Variants in DYM observed in about 807,000 individuals in gnomAD.
The protein encoded by DYM is dymeclin.
DYM carries 78 observed loss-of-function variants against 93.1 expected under a neutral mutation model. That is an observed-to-expected ratio of 0.84 (90% CI 0.70 to 1.01). The LOEUF is 1.01. Ranked by LOEUF, DYM falls within the 50% of genes least tolerant of loss-of-function variation. The pLI, the probability that DYM is intolerant of heterozygous loss-of-function variation, is 0.00. For synonymous variants in DYM, 321 were observed against 319.7 expected (o/e 1.00, Z -0.04); for missense variants, 789 against 845.0 (o/e 0.93, Z 0.82).
intron 9 of DYM, among the ~76,000 whole-genome samples, chr18:49,286,145 C>T (rs1156574859): frequency 6.6e-6 from 1 of 152,010 alleles, no homozygotes; most frequent in African/African-American, 2.4e-5. Flanking sequence ...TTGGGTTTTC[C>T]AGGTTAATTC....
At chr18:49,414,112 G>C (rs539399415) in intron 2 of DYM, among the ~76,000 whole-genome samples, 5 of 152,194 alleles carry the variant, frequency 3.3e-5, no homozygotes, top group Admixed American at 3.3e-4. Flanking sequence ...AATACCCAGA[G>C]TAGTCAAATT....
chr18:49,214,465 C>G (rs2092936012), intron 13 of DYM, among the ~76,000 whole-genome samples: 1 of 151,780 alleles, frequency 6.6e-6, no homozygotes, highest in Non-Finnish European at 1.5e-5. Flanking sequence ...CGTGGAAAAA[C>G]TGACTTCCAC....
intron 8 of DYM, among the ~76,000 whole-genome samples, chr18:49,321,906 C>A (rs534105877): frequency 2.0e-5 from 3 of 152,066 alleles, no homozygotes; most frequent in Non-Finnish European, 4.4e-5. Flanking sequence ...ATTTTCACAA[C>A]TATGCCTGTT....
Position 49,274,743 on chromosome 18 carries a change from GT to G in DYM, c.1126-2441del, listed in dbSNP as rs1399234246. On this transcript the variant is annotated intron_variant, in intron 10 of 17. Transcript: ENST00000675505. ...ACCTGATGACTAATAATGTCAAGTT[GT>G]TTTTTTCATGGGTGTATTACTAGCT... Among the ~76,000 whole-genome samples, 11 of 152,016 alleles carry G rather than the reference GT, an allele frequency of 7.2e-5. No homozygotes were observed. In the East Asian group the frequency reaches 2.1e-3, roughly 29 times the overall value.
intron 14 of DYM, among the ~76,000 whole-genome samples, chr18:49,197,396 A>C (rs1456452042): frequency 6.6e-6 from 1 of 152,144 alleles, no homozygotes; most frequent in Non-Finnish European, 1.5e-5. Context: ...GCTGTCACAG[A>C]AGCCAAAAGA....
chr18:49,196,676 G>C (rs925909704), intron 14 of DYM, among the ~76,000 whole-genome samples: 2 of 152,170 alleles, frequency 1.3e-5, no homozygotes, highest in African/African-American at 4.8e-5. Context: ...TCCTGAGATA[G>C]AAAAGGGGTG....
chr18:49,290,672 A>G (rs988463985), intron 8 of DYM, among the ~76,000 whole-genome samples: 2 of 152,094 alleles, frequency 1.3e-5, no homozygotes, highest in Admixed American at 1.3e-4. Flanking sequence ...ATGTATATAT[A>G]TGCATGCTCC....
chr18:49,131,723 G>A (rs2083394769), intron 15 of DYM, among the ~76,000 whole-genome samples: 1 of 152,140 alleles, frequency 6.6e-6, no homozygotes, highest in Non-Finnish European at 1.5e-5. Context: ...CTTCTCATTT[G>A]TGAACCAAAT....
chr18:49,312,108 G>A (rs1462774857), intron 8 of DYM, among the ~76,000 whole-genome samples: 2 of 152,142 alleles, frequency 1.3e-5, no homozygotes, highest in South Asian at 4.2e-4. Context: ...TTGATGCACT[G>A]TGTGTGACTG....
At chr18:49,285,003 C>G (rs2095087847) in intron 9 of DYM, among the ~76,000 whole-genome samples, 1 of 152,122 alleles carries the variant, frequency 6.6e-6, no homozygotes, top group Non-Finnish European at 1.5e-5. Flanking sequence ...TAGCATTCAG[C>G]CCTTTTAGCC....
chr18:49,157,594 A>G lies in DYM; in HGVS notation c.1728+6091T>C, dbSNP rs563021003. Among the ~76,000 whole-genome samples the G allele has an allele frequency of 7.2e-5, 11 of 152,306 alleles. No individual in the cohort carries two copies. In the South Asian group the frequency reaches 8.3e-4, roughly 11 times the overall value. On this transcript the variant is annotated intron_variant, in intron 15 of 17. Transcript: ENST00000675505. ...AAGCCACAGAACCAGTTCACAAAAT[A>G]TAATATTTGCCCATTTTAAAATTCC...
At chr18:49,392,030 C>T (rs1460418300) in intron 2 of DYM, among the ~76,000 whole-genome samples, 1 of 151,920 alleles carries the variant, frequency 6.6e-6, no homozygotes, top group Non-Finnish European at 1.5e-5. Flanking sequence ...TTAGGAAATA[C>T]ATGGAGTGTC....
At chr18:49,067,370 T>C (rs1433874137) in intron 17 of DYM, among the ~76,000 whole-genome samples, 10 of 149,912 alleles carry the variant, frequency 6.7e-5, no homozygotes, top group South Asian at 2.1e-4. Context: ...GGTGATGTGT[T>C]ATGGAGGTTC....
intron 17 of DYM, among the ~76,000 whole-genome samples, chr18:49,077,099 C>T (rs941610169): frequency 2.6e-5 from 4 of 152,136 alleles, no homozygotes; most frequent in Non-Finnish European, 5.9e-5. Flanking sequence ...AATGACCAAA[C>T]TGACTGTTCC....
chr18:49,300,084 T>A (rs995048871), intron 8 of DYM, among the ~76,000 whole-genome samples: 9 of 138,792 alleles, frequency 6.5e-5, no homozygotes, highest in Admixed American at 2.3e-4. Context: ...TATATATATA[T>A]AAATATATAT....
At chr18:49,356,135 A>G (rs1254366251) in intron 6 of DYM, among the ~76,000 whole-genome samples, 2 of 152,216 alleles carry the variant, frequency 1.3e-5, no homozygotes, top group African/African-American at 4.8e-5. Context: ...GTAAGTTATA[A>G]GTCAGAAAAA....
At chr18:49,455,568 C>A (rs534743039) in intron 1 of DYM, among the ~76,000 whole-genome samples, 17 of 152,276 alleles carry the variant, frequency 1.1e-4, no homozygotes, top group African/African-American at 3.9e-4. Flanking sequence ...GGTTGAGTAA[C>A]ATGCCAAAGC....
chr18:49,128,380 T>C (rs1448882800), intron 15 of DYM, among the ~76,000 whole-genome samples: 1 of 152,246 alleles, frequency 6.6e-6, no homozygotes. Context: ...TCTTAGACTA[T>C]ATTGGTGTTT....
intron 5 of DYM, among the ~76,000 whole-genome samples, chr18:49,365,929 A>G (rs917978047): frequency 5.9e-5 from 9 of 152,248 alleles, no homozygotes; most frequent in African/African-American, 2.2e-4. Context: ...TCAATTAAGG[A>G]GTATACACAC....
Sources: gnomAD v4.1 joint callset for allele counts (sites outside exome capture counted in the v4.1 genomes callset) on GRCh38, gnomAD v4.1.1 for gene constraint, MANE v1.5 for transcripts, NCBI Gene and HGNC (gene_info 2026-07-23, HGNC 2026-07-21) for gene names.